LRP1B: variants seen among roughly 807,000 people sequenced by gnomAD.
LRP1B encodes LDL receptor related protein 1B.
Under a neutral mutation model 556.6 loss-of-function variants are expected in LRP1B, and 217 were observed. That is an observed-to-expected ratio of 0.39 (90% CI 0.35 to 0.44). LRP1B has a LOEUF of 0.44. LRP1B is among the 20% of genes least tolerant of loss of function. The pLI is 1.00. For synonymous variants in LRP1B, 2,047 were observed against 1,865.8 expected (o/e 1.10, Z -2.50); for missense variants, 5,053 against 5,620.8 (o/e 0.90, Z 3.23).
chr2:141,493,385 C>T (rs1490254586), intron 2 of LRP1B, among the ~76,000 whole-genome samples: 1 of 152,082 alleles, frequency 6.6e-6, no homozygotes, highest in Non-Finnish European at 1.5e-5. Flanking sequence ...ATTTTGAAGC[C>T]ATGCTATGCC....
At chr2:142,040,179 A>ATGATTGACT (rs1236343365) in intron 1 of LRP1B, among the ~76,000 whole-genome samples, 1 of 151,382 alleles carries the variant, frequency 6.6e-6, no homozygotes, top group African/African-American at 2.4e-5. Context: ...CTGGTTTCTA[A>ATGATTGACT]TGATTGACTT....
At chr2:141,738,429 A>G (rs572017989) in intron 2 of LRP1B, among the ~76,000 whole-genome samples, 1 of 152,262 alleles carries the variant, frequency 6.6e-6, no homozygotes, top group South Asian at 2.1e-4. Flanking sequence ...ACACTGTACA[A>G]TTCCAGAATT....
chr2:141,892,479 T>C (rs887933407), intron 1 of LRP1B, among the ~76,000 whole-genome samples: 4 of 96,332 alleles, frequency 4.2e-5, no homozygotes, highest in Non-Finnish European at 6.5e-5. Context: ...ATATGCACAT[T>C]CATCTTTTAC....
At chr2:141,366,744 A>C (rs536728487) in intron 3 of LRP1B, among the ~76,000 whole-genome samples, 1 of 152,240 alleles carries the variant, frequency 6.6e-6, no homozygotes, top group African/African-American at 2.4e-5. Context: ...CAAATGTCTT[A>C]TTTTCTTTGT....
chr2:140,832,036 G>A (rs547365385), intron 31 of LRP1B, among the ~76,000 whole-genome samples: 10 of 152,272 alleles, frequency 6.6e-5, no homozygotes, highest in African/African-American at 2.4e-4. Flanking sequence ...TAGTGAGGAG[G>A]TACAGACATG....
intron 41 of LRP1B, among the ~76,000 whole-genome samples, chr2:140,675,425 C>A (rs1482929938): frequency 2.6e-5 from 4 of 152,062 alleles, no homozygotes; most frequent in Admixed American, 2.0e-4. Flanking sequence ...TAAAATGTGA[C>A]TAAAAATTAA....
chr2:140,751,136 G>T (rs1453815754), intron 35 of LRP1B, among the ~76,000 whole-genome samples: 1 of 151,888 alleles, frequency 6.6e-6, no homozygotes, highest in African/African-American at 2.4e-5. Context: ...GGGATTACAG[G>T]CGCCTGCCAT....
At chr2:140,980,352 GAT>G (rs1696730452) in intron 18 of LRP1B, among the ~76,000 whole-genome samples, 1 of 152,076 alleles carries the variant, frequency 6.6e-6, no homozygotes, top group African/African-American at 2.4e-5. Context: ...GACACAGCCA[GAT>G]ATAGGACCAC....
intron 2 of LRP1B, among the ~76,000 whole-genome samples, chr2:141,687,435 T>C (rs1297944949): frequency 6.6e-6 from 1 of 152,004 alleles, no homozygotes; most frequent in Admixed American, 6.6e-5. Flanking sequence ...ATTAGCTACA[T>C]TATTATTGAA....
At chr2:142,058,303 G>T (rs1704755494) in intron 1 of LRP1B, among the ~76,000 whole-genome samples, 1 of 151,990 alleles carries the variant, frequency 6.6e-6, no homozygotes, top group Non-Finnish European at 1.5e-5. Context: ...CTTCCTCTTT[G>T]GGTTCTGAGT....
At chr2:140,836,842 C>T (rs1573784539) in intron 31 of LRP1B, among the ~76,000 whole-genome samples, 2 of 152,174 alleles carry the variant, frequency 1.3e-5, no homozygotes, top group East Asian at 1.9e-4. Flanking sequence ...ACCTGCTTAA[C>T]AGGAATTGCA....
chr2:141,478,533 C>CCTCT (rs149943762), intron 3 of LRP1B, among the ~76,000 whole-genome samples: 74,413 of 147,038 alleles, frequency 0.51, 19,098 homozygotes, highest in Non-Finnish European at 0.55. Context: ...TCCCTCCCTC[C>CCTCT]CTCTCTCTCT....
intron 35 of LRP1B, among the ~76,000 whole-genome samples, chr2:140,733,762 A>G (rs988461517): frequency 1.3e-5 from 2 of 152,170 alleles, no homozygotes; most frequent in African/African-American, 4.8e-5. Flanking sequence ...TAGTCCATTT[A>G]TTGTTATTTA....
At chr2:140,511,993 T>C (rs1689683479) in intron 51 of LRP1B, among the ~76,000 whole-genome samples, 1 of 152,196 alleles carries the variant, frequency 6.6e-6, no homozygotes, top group Admixed American at 6.5e-5. Context: ...ACATTTTTAC[T>C]TTTTAGCTTG....
chr2:140,589,363 T>C (rs1682123724), intron 43 of LRP1B, among the ~76,000 whole-genome samples: 1 of 152,054 alleles, frequency 6.6e-6, no homozygotes, highest in Non-Finnish European at 1.5e-5. Context: ...AATGGTACAG[T>C]CATTCTGGAA....
intron 18 of LRP1B, among the ~76,000 whole-genome samples, chr2:140,962,960 C>T (rs1466068539): frequency 6.6e-6 from 1 of 151,890 alleles, no homozygotes; most frequent in African/African-American, 2.4e-5. Context: ...AAAACTGGAC[C>T]CTTTAAAAAA....
intron 49 of LRP1B, 57 bp downstream of exon 49, chr2:140,525,787 C>A (rs2104966532): frequency 1.3e-6 from 2 of 1,547,642 alleles, no homozygotes; most frequent in South Asian, 1.2e-5. Flanking sequence ...TCTATACAAC[C>A]AGGTAGCCTC....
At chr2:141,716,663 T>G (rs1692606260) in intron 2 of LRP1B, among the ~76,000 whole-genome samples, 1 of 152,118 alleles carries the variant, frequency 6.6e-6, no homozygotes, top group Non-Finnish European at 1.5e-5. Context: ...TTGCAAAAGC[T>G]AAAAAAATAA....
chr2:140,339,119 G>A (rs1410319558), intron 77 of LRP1B, among the ~76,000 whole-genome samples: 1 of 151,746 alleles, frequency 6.6e-6, no homozygotes, highest in Admixed American at 6.6e-5. Context: ...TTGTAGGAAT[G>A]CATTAGTCAA....
Sources: allele counts gnomAD v4.1 joint callset (sites outside exome capture counted in the v4.1 genomes callset), GRCh38; gene constraint gnomAD v4.1.1; transcripts MANE v1.5; gene names NCBI Gene and HGNC (gene_info 2026-07-23, HGNC 2026-07-21).